Variants in TNFSF13 observed in about 807,000 individuals in gnomAD.
TNFSF13 encodes tumor necrosis factor ligand superfamily member 13.
In TNFSF13, 18 loss-of-function variants were observed where a neutral mutation model predicts 30.7. The ratio of observed to expected loss-of-function variants is 0.59; its 90% CI spans 0.41 to 0.87. The LOEUF (loss-of-function observed/expected upper bound fraction) is 0.87. Among genes scored for constraint, TNFSF13 ranks in the 40% least tolerant of loss-of-function variants. TNFSF13 has a pLI of 0.00. For missense variants in TNFSF13, 286 were observed against 308.8 expected, an observed-to-expected ratio of 0.93 and a Z score of 0.55; for synonymous variants, 116 against 123.2, an observed-to-expected ratio of 0.94 and a Z score of 0.39.
At position 7,559,055 on chromosome 17, in the gene TNFSF13, C is replaced by G; in HGVS notation, c.16C>G (p.Pro6Ala). The G allele has an allele frequency of 6.4e-7, 1 of 1,550,750 alleles. No homozygotes were observed. The highest frequency in any genetic ancestry group is 8.7e-7 in the Non-Finnish European group (1 of 1,144,256). The change falls in exon 1 of 6, where the codon CCT becomes GCT. Residue 6 changes from proline to alanine, a missense_variant. By Grantham distance (27) the Pro-to-Ala change is conservative (BLOSUM62 -1). Transcript: ENST00000338784. The surrounding 1 kb of genome is among the most constrained non-coding windows in gnomAD (Gnocchi z 5.4). ...TCCCCAGCTCATGCCAGCCTCATCTCCTTTCTTGCTAGCCCCCAAAGGGCC... is the reference window on the plus strand; with the variant it reads ...TCCCCAGCTCATGCCAGCCTCATCTGCTTTCTTGCTAGCCCCCAAAGGGCC... MPASSPFLLAPKGPPG... is the reference protein window; with the variant it reads MPASSAFLLAPKGPPG...
In TNFSF13 at chr17:7,558,933, G is replaced by A. The variant is rs181623923; in HGVS notation, c.-107G>A. On this transcript the variant is annotated 5_prime_UTR_variant, in exon 1 of 6. Transcript: ENST00000338784. The surrounding 1 kb of genome is among the most constrained non-coding windows in gnomAD (Gnocchi z 4.3). ...CAAGTTCCTTTTTATTTCTCCTTGC[G>A]TAACAACCTTCTTCCCTTCTGCACC... 7,944 of 1,241,566 alleles carry A rather than the reference G, an allele frequency of 6.4e-3. 40 individuals carry two copies. Among genetic ancestry groups the A allele is most frequent in the Non-Finnish European group, 7.4e-3 (6,965 of 945,716 alleles). The allele number at this position is 1,241,566 out of a possible 1,614,324, so 76.9% of individuals were successfully genotyped here. A position where few individuals can be genotyped will look rare whatever the true frequency, so the allele number is the denominator to read the frequency against.
Position 7,561,458 on chromosome 17 carries a change from C to G in TNFSF13, c.*625C>G. 1 of 221,052 alleles carries G rather than the reference C, an allele frequency of 4.5e-6. No individual in the cohort carries two copies. The highest frequency in any genetic ancestry group is 9.3e-6 in the Non-Finnish European group (1 of 107,936). The allele number at this position is 221,052 out of a possible 1,614,324, so 13.7% of individuals were successfully genotyped here. On this transcript the variant is annotated 3_prime_UTR_variant, in exon 6 of 6. Coordinates refer to ENST00000338784, the MANE Select transcript of TNFSF13 (RefSeq NM_003808.4). This position sits in a 1 kb window ranked among gnomAD's most constrained non-coding sequence, Gnocchi z 4.4. Reference sequence around the variant, plus strand: ...GCTCCATTGCCCCGGCGTGGCAGGCCATTCCAAGCCCTTCCGGGCTGGAAC... The same window carrying G: ...GCTCCATTGCCCCGGCGTGGCAGGCGATTCCAAGCCCTTCCGGGCTGGAAC...
In TNFSF13 at chr17:7,559,562, G is replaced by A; in HGVS notation, c.259-62G>A. On this transcript the variant is annotated intron_variant, in intron 1 of 5. Coordinates refer to ENST00000338784, the MANE Select transcript of TNFSF13 (RefSeq NM_003808.4). This position sits in a 1 kb window ranked among gnomAD's most constrained non-coding sequence, Gnocchi z 5.4. ...CATCTCGGGGGCAGGGGAGGGCTGG[G>A]AAGGCAGGCTGGCTGGGACCCTCGC... The A allele has an allele frequency of 6.3e-7, 1 of 1,579,458 alleles. No individual in the cohort carries two copies. The highest frequency in any genetic ancestry group is 8.6e-7 in the Non-Finnish European group (1 of 1,161,498).
In TNFSF13 at chr17:7,559,844, A is replaced by C; in HGVS notation, c.338-2A>C. On this transcript the variant is annotated splice_acceptor_variant, in intron 2 of 5. Coordinates refer to ENST00000338784, the MANE Select transcript of TNFSF13 (RefSeq NM_003808.4). LOFTEE classifies it high-confidence loss of function. The surrounding 1 kb of genome is among the most constrained non-coding windows in gnomAD (Gnocchi z 5.4). Reference sequence around the variant, plus strand: ...GCTGAGATTCCCTCCTTCTCTCCTCAGAGCAGCACTCTGTCCTGCACCTGG... The same window carrying C: ...GCTGAGATTCCCTCCTTCTCTCCTCCGAGCAGCACTCTGTCCTGCACCTGG... 6.2e-7 allele frequency: 1 copy of C among 1,614,108 alleles called. No homozygotes were observed. Among genetic ancestry groups the C allele is most frequent in the Non-Finnish European group, 8.5e-7 (1 of 1,180,018 alleles).
chr17:7,561,577 G>A lies in TNFSF13; in HGVS notation c.*744G>A, dbSNP rs768289408. On this transcript the variant is annotated 3_prime_UTR_variant, in exon 6 of 6. Transcript: ENST00000338784. This position sits in a 1 kb window ranked among gnomAD's most constrained non-coding sequence, Gnocchi z 4.4. ...TCTTTCTGATCAAGCCCTGCTTAAAGTTAAATAAAATAGAATGAATGATAC... is the reference window on the plus strand; with the variant it reads ...TCTTTCTGATCAAGCCCTGCTTAAAATTAAATAAAATAGAATGAATGATAC... The A allele has an allele frequency of 1.7e-4, 27 of 158,802 alleles. No individual in the cohort carries two copies. Among genetic ancestry groups the A allele is most frequent in the Non-Finnish European group, 3.2e-4 (23 of 71,738 alleles). The allele number at this position is 158,802 out of a possible 1,614,324, so 9.8% of individuals were successfully genotyped here.
At position 7,560,787 on chromosome 17, in the gene TNFSF13, T is replaced by C; in HGVS notation, c.707T>C (p.Leu236Pro). ...ATAATTCCCCGGGCAAGGGCGAAAC[T>C]TAACCTCTCTCCACATGGAACCTTC... The part of the protein sequence containing the change: ...SVIIPRARAK[L>P]NLSPHGTFLG... Residue 236 changes from leucine (L) to proline (P), a missense_variant, in exon 6 of 6, where the codon CTT (leucine) becomes CCT (proline). Transcript: ENST00000338784. 1 of 1,614,156 alleles carries C rather than the reference T, an allele frequency of 6.2e-7. No individual in the cohort carries two copies. Among genetic ancestry groups the C allele is most frequent in the Non-Finnish European group, 8.5e-7 (1 of 1,180,018 alleles).
At position 7,559,838 on chromosome 17, in the gene TNFSF13, C is replaced by G. The variant is rs926698245; in HGVS notation, c.338-8C>G. On this transcript the variant is annotated splice_region_variant and splice_polypyrimidine_tract_variant and intron_variant, in intron 2 of 5. Transcript: ENST00000338784. This position sits in a 1 kb window ranked among gnomAD's most constrained non-coding sequence, Gnocchi z 5.4. ...GATGCGGCTGAGATTCCCTCCTTCT[C>G]TCCTCAGAGCAGCACTCTGTCCTGC... 6.2e-7 allele frequency: 1 copy of G among 1,614,000 alleles called. No individual in the cohort carries two copies. Among genetic ancestry groups the G allele is most frequent in the Non-Finnish European group, 8.5e-7 (1 of 1,180,014 alleles).
At position 7,559,233 on chromosome 17, in the gene TNFSF13, T is replaced by A; in HGVS notation, c.194T>A (p.Leu65Gln). Reference protein sequence around the residue: ...LQSLRREVSRLQGTGGPSQNG... With the variant: ...LQSLRREVSRQQGTGGPSQNG... ...AGCCTCAGGAGAGAGGTGAGCCGGC[T>A]GCAGGGGACAGGAGGCCCCTCCCAG... The change falls in exon 1 of 6, where the codon CTG (leucine) becomes CAG (glutamine). Residue 65 changes from leucine to glutamine, a missense_variant. Leu to Gln is a moderately radical substitution (Grantham distance 113). Transcript: ENST00000338784. This position sits in a 1 kb window ranked among gnomAD's most constrained non-coding sequence, Gnocchi z 5.4. The A allele has an allele frequency of 6.2e-7, 1 of 1,610,772 alleles. No individual in the cohort carries two copies. Among genetic ancestry groups the A allele is most frequent in the South Asian group, 1.1e-5 (1 of 90,852 alleles).
chr17:7,560,721 C>T lies in TNFSF13; in HGVS notation c.644-3C>T, dbSNP rs770634550. On this transcript the variant is annotated splice_region_variant and splice_polypyrimidine_tract_variant and intron_variant, in intron 5 of 5. Coordinates refer to ENST00000338784, the MANE Select transcript of TNFSF13 (RefSeq NM_003808.4). Reference sequence around the variant, plus strand: ...TGCGAATCTACTTTCTCTCTTTTCTCAGGTGTCTTCCATTTACACCAAGGG... The same window carrying T: ...TGCGAATCTACTTTCTCTCTTTTCTTAGGTGTCTTCCATTTACACCAAGGG... The T allele has an allele frequency of 1.9e-6, 3 of 1,614,182 alleles. No homozygotes were observed. The highest frequency in any genetic ancestry group is 1.7e-4 in the Middle Eastern group (1 of 6,052).
At chr17:7,558,705 T>G, upstream of TNFSF13, 1 of 177,678 alleles carries the variant, frequency 5.6e-6, no homozygotes, top group Non-Finnish European at 1.2e-5. This position sits in a 1 kb window ranked among gnomAD's most constrained non-coding sequence, Gnocchi z 4.3. Flanking sequence ...CCCCCAACCC[T>G]GGGGCCGCCC....
rs1022533833 is a variant in TNFSF13 at position 7,559,946 on chromosome 17, G to T, written c.385+53G>T. 6.2e-5 allele frequency: 100 copies of T among 1,613,810 alleles called. No homozygotes were observed. The East Asian group carries it at 2.1e-3, about 33-fold the overall frequency. ...GGGGAGGGGCAATAACCAGGAACTC[G>T]GGCTGGCACTTGGGCTCAAGGGGTC... On this transcript the variant is annotated intron_variant, in intron 3 of 5. Coordinates refer to ENST00000338784, the MANE Select transcript of TNFSF13 (RefSeq NM_003808.4). This position sits in a 1 kb window ranked among gnomAD's most constrained non-coding sequence, Gnocchi z 5.4.
chr17:7,560,920 G>A lies in TNFSF13; in HGVS notation c.*87G>A. ...CAAGAGCTGAGTATATAAAGGAGAG[G>A]GAATGTGCAGGAACAGAGGCGTCTT... On this transcript the variant is annotated 3_prime_UTR_variant, in exon 6 of 6. Coordinates refer to ENST00000338784, the MANE Select transcript of TNFSF13 (RefSeq NM_003808.4). 4 of 1,614,114 alleles carry A rather than the reference G, an allele frequency of 2.5e-6. No homozygotes were observed. Among genetic ancestry groups the A allele is most frequent in the Non-Finnish European group, 3.4e-6 (4 of 1,180,010 alleles).
chr17:7,560,207 T>C lies in TNFSF13; in HGVS notation c.504+40T>C, dbSNP rs779454601. On this transcript the variant is annotated intron_variant, in intron 4 of 5. Coordinates refer to ENST00000338784, the MANE Select transcript of TNFSF13 (RefSeq NM_003808.4). ...ACTCTGAGCTTCACAGAGGGCCTCT[T>C]TGGCCCCCTACTGAGGGTTCCTGAC... The C allele has an allele frequency of 2.0e-5, 33 of 1,613,268 alleles. No homozygotes were observed. In the East Asian group the frequency reaches 5.3e-4, roughly 26 times the overall value.
In TNFSF13 at chr17:7,558,828, G is replaced by A; in HGVS notation, c.-212G>A. 2.1e-6 allele frequency: 1 copy of A among 465,368 alleles called. No individual in the cohort carries two copies. The highest frequency in any genetic ancestry group is 6.5e-5 in the South Asian group (1 of 15,272). The allele number at this position is 465,368 out of a possible 1,614,324, so 28.8% of individuals were successfully genotyped here. ...CTGAGGGAGGGTGGAGGGTCTCAAGGCAACGCTGGCCCCACGACGGAGTGC... is the reference window on the plus strand; with the variant it reads ...CTGAGGGAGGGTGGAGGGTCTCAAGACAACGCTGGCCCCACGACGGAGTGC... On this transcript the variant is annotated 5_prime_UTR_variant, in exon 1 of 6. Coordinates refer to ENST00000338784, the MANE Select transcript of TNFSF13 (RefSeq NM_003808.4). The surrounding 1 kb of genome is among the most constrained non-coding windows in gnomAD (Gnocchi z 4.3).
chr17:7,559,945 C>A lies in TNFSF13; in HGVS notation c.385+52C>A. 6.2e-7 allele frequency: 1 copy of A among 1,613,902 alleles called. No individual in the cohort carries two copies. The highest frequency in any genetic ancestry group is 8.5e-7 in the Non-Finnish European group (1 of 1,179,970). ...TGGGGAGGGGCAATAACCAGGAACTCGGGCTGGCACTTGGGCTCAAGGGGT... is the reference window on the plus strand; with the variant it reads ...TGGGGAGGGGCAATAACCAGGAACTAGGGCTGGCACTTGGGCTCAAGGGGT... On this transcript the variant is annotated intron_variant, in intron 3 of 5. Coordinates refer to ENST00000338784, the MANE Select transcript of TNFSF13 (RefSeq NM_003808.4). This position sits in a 1 kb window ranked among gnomAD's most constrained non-coding sequence, Gnocchi z 5.4.
Position 7,559,892 on chromosome 17 carries a change from G to A in TNFSF13, c.384G>A (p.Lys128=), listed in dbSNP as rs2071151346. ...TGGTTCCCATTAACGCCACCTCCAAGGGTGAGCACTATTTTAAATAATGGC... is the reference window on the plus strand; with the variant it reads ...TGGTTCCCATTAACGCCACCTCCAAAGGTGAGCACTATTTTAAATAATGGC... ...LHLVPINATS[K]DDSDVTEVMW... is the part of the protein sequence containing the mutation. The change falls in exon 3 of 6, where the codon AAG becomes AAA. Residue 128 remains lysine, a splice_region_variant and synonymous_variant. Transcript: ENST00000338784. This position sits in a 1 kb window ranked among gnomAD's most constrained non-coding sequence, Gnocchi z 5.4. 6.2e-7 allele frequency: 1 copy of A among 1,614,034 alleles called. No homozygotes were observed. Among genetic ancestry groups the A allele is most frequent in the African/African-American group, 1.3e-5 (1 of 74,910 alleles).
Position 7,559,263 on chromosome 17 carries a change from G to T in TNFSF13, c.224G>T (p.Gly75Val). Reference sequence around the variant, plus strand: ...GGGACAGGAGGCCCCTCCCAGAATGGGGAAGGGTATCCCTGGCAGAGTCTC... The same window carrying T: ...GGGACAGGAGGCCCCTCCCAGAATGTGGAAGGGTATCCCTGGCAGAGTCTC... Reference protein sequence around the residue: ...LQGTGGPSQNGEGYPWQSLPE... With the variant: ...LQGTGGPSQNVEGYPWQSLPE... The change falls in exon 1 of 6, where the codon GGG becomes GTG. Residue 75 changes from glycine to valine, a missense_variant. By Grantham distance (109) the Gly-to-Val change is moderately radical (BLOSUM62 -3). Transcript: ENST00000338784. This position sits in a 1 kb window ranked among gnomAD's most constrained non-coding sequence, Gnocchi z 5.4. The T allele has an allele frequency of 1.2e-6, 2 of 1,608,756 alleles. No individual in the cohort carries two copies. The highest frequency in any genetic ancestry group is 1.7e-6 in the Non-Finnish European group (2 of 1,178,544).
In TNFSF13 at chr17:7,559,094, G is replaced by C. The variant is rs2150911721; in HGVS notation, c.55G>C (p.Gly19Arg). 1 of 1,597,656 alleles carries C rather than the reference G, an allele frequency of 6.3e-7. No individual in the cohort carries two copies. Among genetic ancestry groups the C allele is most frequent in the Non-Finnish European group, 8.6e-7 (1 of 1,168,168 alleles). The change falls in exon 1 of 6, where the codon GGG (glycine) becomes CGG (arginine). Residue 19 changes from glycine to arginine, a missense_variant. Physicochemically the swap from Gly to Arg is moderately radical, Grantham distance 125. Coordinates refer to ENST00000338784, the MANE Select transcript of TNFSF13 (RefSeq NM_003808.4). The surrounding 1 kb of genome is among the most constrained non-coding windows in gnomAD (Gnocchi z 5.4). Reference protein sequence around the residue: ...LAPKGPPGNMGGPVREPALSV... With the variant: ...LAPKGPPGNMRGPVREPALSV... ...CCCCAAAGGGCCTCCAGGCAACATGGGGGGCCCAGTCAGAGAGCCGGCACT... is the reference window on the plus strand; with the variant it reads ...CCCCAAAGGGCCTCCAGGCAACATGCGGGGCCCAGTCAGAGAGCCGGCACT...
At position 7,559,571 on chromosome 17, in the gene TNFSF13, C is replaced by T; in HGVS notation, c.259-53C>T. The stretch of plus-strand genomic sequence containing the variant: ...GGCAGGGGAGGGCTGGGAAGGCAGG[C>T]TGGCTGGGACCCTCGCATCTTAACC... On this transcript the variant is annotated intron_variant, in intron 1 of 5. Coordinates refer to ENST00000338784, the MANE Select transcript of TNFSF13 (RefSeq NM_003808.4). The surrounding 1 kb of genome is among the most constrained non-coding windows in gnomAD (Gnocchi z 5.4). 1.3e-6 allele frequency: 2 copies of T among 1,589,294 alleles called. No individual in the cohort carries two copies. Among genetic ancestry groups the T allele is most frequent in the Non-Finnish European group, 1.7e-6 (2 of 1,166,966 alleles).
Sources: gnomAD v4.1 joint callset for allele counts on GRCh38, gnomAD v4.1.1 for gene constraint, Gnocchi (gnomAD v3.1) non-coding constraint, MANE v1.5 for transcripts, NCBI Gene and HGNC (gene_info 2026-07-23, HGNC 2026-07-21) for gene names.